Variants in PARVB observed in about 807,000 individuals in gnomAD.
The protein encoded by PARVB is parvin beta, also known as beta-parvin.
In PARVB, 46 loss-of-function variants were observed where a neutral mutation model predicts 47.0. That is an observed-to-expected ratio of 0.98 (90% CI 0.77 to 1.25). The LOEUF (loss-of-function observed/expected upper bound fraction) is 1.25, where lower values mean the gene tolerates loss of function less well. Ranked by LOEUF, PARVB falls within the 50% of genes most tolerant of loss-of-function variation. PARVB has a pLI of 0.00. For missense variants in PARVB, 473 were observed against 471.6 expected (o/e 1.00, Z -0.03); for synonymous variants, 196 against 196.3 (o/e 1.00, Z 0.01).
At chr22:44,118,368 G>A (rs1269505330) in intron 3 of PARVB, among the ~76,000 whole-genome samples, 4 of 152,230 alleles carry the variant, frequency 2.6e-5, no homozygotes, top group Admixed American at 2.0e-4. Context: ...GTGGAGAGGG[G>A]AAGTAGATCG....
chr22:44,026,388 G>T (rs2050729616), intron 1 of PARVB: 3 of 983,104 alleles, frequency 3.1e-6, no homozygotes, highest in Non-Finnish European at 3.6e-6. Context: ...TGAGCTGGGC[G>T]CCCTGCCTCG....
chr22:44,136,384 C>T, intron 6 of PARVB, 76 bp from the exon 7 acceptor site: 1 of 1,321,304 alleles, frequency 7.6e-7, no homozygotes, highest in Non-Finnish European at 1.1e-6. Flanking sequence ...GGCCCCGCAG[C>T]TTCGTCTGCC....
At chr22:44,039,260 G>A (rs1462062644) in intron 1 of PARVB, among the ~76,000 whole-genome samples, 1 of 152,136 alleles carries the variant, frequency 6.6e-6, no homozygotes. Context: ...AACAGAAGTA[G>A]GAATCTGTGG....
At chr22:44,148,843 A>T (rs953765250) in intron 9 of PARVB, 3 of 152,182 alleles carry the variant, frequency 2.0e-5, no homozygotes, top group Admixed American at 2.0e-4. Flanking sequence ...GGACGATGAG[A>T]TCATTCATTT....
intron 1 of PARVB, among the ~76,000 whole-genome samples, chr22:44,029,645 T>C (rs2050789464): frequency 6.8e-6 from 1 of 147,596 alleles, no homozygotes; most frequent in Non-Finnish European, 1.5e-5. Flanking sequence ...GCGTGGTGGC[T>C]CACGCCTGTA....
chr22:44,085,128 T>A (rs2051995052), intron 1 of PARVB, among the ~76,000 whole-genome samples: 1 of 152,166 alleles, frequency 6.6e-6, no homozygotes, highest in African/African-American at 2.4e-5. Flanking sequence ...TTGTATTTTT[T>A]ACATAAATAT....
In PARVB at chr22:44,172,116, A is replaced by G. The variant is rs1157824102; in HGVS notation, c.*3438A>G. The G allele has an allele frequency of 2.0e-5, 3 of 151,744 alleles. No homozygotes were observed. Among genetic ancestry groups the G allele is most frequent in the East Asian group, 3.9e-4 (2 of 5,180 alleles). 9.4% of individuals were successfully genotyped at this position (151,744 alleles called of 1,614,324 possible). A position where few individuals can be genotyped will look rare whatever the true frequency, so the allele number is the denominator to read the frequency against. On this transcript the variant is annotated 3_prime_UTR_variant, in exon 13 of 13. Transcript: ENST00000338758. ...GACTCCTCATTTTTCTCCATTCACCATCAGTTTGAGTCTGAATTCATAGCA... is the reference window on the plus strand; with the variant it reads ...GACTCCTCATTTTTCTCCATTCACCGTCAGTTTGAGTCTGAATTCATAGCA...
chr22:44,156,120 C>G (rs556551993), intron 10 of PARVB, among the ~76,000 whole-genome samples: 1 of 150,768 alleles, frequency 6.6e-6, no homozygotes, highest in African/African-American at 2.4e-5. Context: ...GAGCCGAGAT[C>G]GCACCACTGC....
At chr22:44,046,433 G>T (rs911996517) in intron 1 of PARVB, among the ~76,000 whole-genome samples, 7 of 152,236 alleles carry the variant, frequency 4.6e-5, no homozygotes, top group Non-Finnish European at 5.9e-5. Context: ...CTGACCACCA[G>T]TGGGGGATGC....
intron 1 of PARVB, among the ~76,000 whole-genome samples, chr22:44,064,412 G>T (rs1025228110): frequency 6.6e-6 from 1 of 152,156 alleles, no homozygotes; most frequent in African/African-American, 2.4e-5. Context: ...TTGTTGAAGG[G>T]CCTGGCCGAG....
chr22:44,084,509 C>A (rs968337314), intron 1 of PARVB, among the ~76,000 whole-genome samples: 1 of 152,248 alleles, frequency 6.6e-6, no homozygotes, highest in Non-Finnish European at 1.5e-5. Flanking sequence ...GAAAGCCCCA[C>A]TGGCCAATCC....
chr22:44,133,092 C>G (rs989768072), intron 6 of PARVB, 83 bp downstream of exon 6: 7 of 840,436 alleles, frequency 8.3e-6, no homozygotes, highest in Non-Finnish European at 1.3e-5. Flanking sequence ...TGCCCTCCCC[C>G]TCCTTTTTTC....
chr22:44,051,031 A>G (rs1207296653), intron 1 of PARVB, among the ~76,000 whole-genome samples: 1 of 152,182 alleles, frequency 6.6e-6, no homozygotes, highest in Non-Finnish European at 1.5e-5. Flanking sequence ...TCATCTCCTA[A>G]GAGAGTCTCG....
At chr22:44,159,971 G>A (rs1304924501) in intron 11 of PARVB, among the ~76,000 whole-genome samples, 1 of 152,244 alleles carries the variant, frequency 6.6e-6, no homozygotes, top group African/African-American at 2.4e-5. Flanking sequence ...TGCGTCATGA[G>A]CTGCTGTCCC....
rs151316021 is a variant in PARVB at position 43,999,332 on chromosome 22, T to C, written c.-9T>C. The C allele has an allele frequency of 7.8e-4, 1,251 of 1,594,670 alleles. 3 individuals carry two copies. Among genetic ancestry groups the C allele is most frequent in the African/African-American group, 7.1e-3 (528 of 74,530 alleles). ...TAAATTTACCTTTGGGACAGTTAGA[T>C]GTGCACAAATGCACCATGTGTTTAA... On this transcript the variant is annotated 5_prime_UTR_variant, in exon 1 of 14. Coordinates refer to the PARVB transcript ENST00000406477.
chr22:44,074,301 AC>A (rs1163762734), intron 1 of PARVB, among the ~76,000 whole-genome samples: 1 of 152,194 alleles, frequency 6.6e-6, no homozygotes, highest in Non-Finnish European at 1.5e-5. Flanking sequence ...TGGGTGAGCA[AC>A]ACTGACAGGA....
At chr22:44,119,925 C>T (rs550585407) in intron 4 of PARVB, 7 of 493,716 alleles carry the variant, frequency 1.4e-5, no homozygotes, top group Admixed American at 1.1e-4. Context: ...AGGCAAAGAA[C>T]GGAAGAGCAG....
chr22:44,127,969 A>G (rs1194278889), intron 4 of PARVB, among the ~76,000 whole-genome samples: 1 of 152,074 alleles, frequency 6.6e-6, no homozygotes, highest in Non-Finnish European at 1.5e-5. Context: ...TATTTTCTGT[A>G]GTGCTGAGGT....
intron 1 of PARVB, among the ~76,000 whole-genome samples, chr22:44,084,899 C>A (rs967039812): frequency 2.0e-5 from 3 of 152,210 alleles, no homozygotes. Context: ...CCTGCCAGGA[C>A]ATCTGTTTAT....
Sources: allele counts gnomAD v4.1 joint callset (sites outside exome capture counted in the v4.1 genomes callset), GRCh38; gene constraint gnomAD v4.1.1; transcripts MANE v1.5; gene names NCBI Gene and HGNC (gene_info 2026-07-23, HGNC 2026-07-21).